CDC123: variants seen among roughly 807,000 people sequenced by gnomAD.
The protein encoded by CDC123 is cell division cycle 123.
In CDC123, 37 loss-of-function variants were observed where a neutral mutation model predicts 54.4. The ratio of observed to expected loss-of-function variants is 0.68; its 90% CI spans 0.52 to 0.89. CDC123 has a LOEUF of 0.89. Among genes scored for constraint, CDC123 ranks in the 40% least tolerant of loss-of-function variants. The probability of loss-of-function intolerance (pLI) is 0.00; values close to 1 mark genes in which losing one functional copy is unlikely to be tolerated. For missense variants in CDC123, 361 were observed against 412.1 expected, an observed-to-expected ratio of 0.88 and a Z score of 1.07; for synonymous variants, 144 against 136.8, an observed-to-expected ratio of 1.05 and a Z score of -0.37.
chr10:12,213,954 C>G (rs1191945867), intron 4 of CDC123, among the ~76,000 whole-genome samples: 1 of 152,166 alleles, frequency 6.6e-6, no homozygotes, highest in Non-Finnish European at 1.5e-5. Context: ...TAGAATTTGC[C>G]AAGTTGTAAA....
chr10:12,210,669 T>C (rs1835585540), intron 4 of CDC123, among the ~76,000 whole-genome samples: 1 of 152,188 alleles, frequency 6.6e-6, no homozygotes, highest in Admixed American at 6.5e-5. Context: ...TGTATTTCCT[T>C]ATTCAAGTAT....
chr10:12,247,990 C>CAAG (rs1836181586), intron 11 of CDC123: 1 of 148,252 alleles, frequency 6.7e-6, no homozygotes, highest in Admixed American at 6.7e-5. Flanking sequence ...GGCGACAGGG[C>CAAG]AAGACTGTCT....
At chr10:12,215,869 A>G in intron 5 of CDC123, 34 bp downstream of exon 5, 1 of 1,375,660 alleles carries the variant, frequency 7.3e-7, no homozygotes, top group Non-Finnish European at 1.0e-6. Context: ...TTACTGTTTG[A>G]ATATTCTTTG....
At chr10:12,241,488 C>T (rs539558096) in intron 10 of CDC123, among the ~76,000 whole-genome samples, 17 of 152,176 alleles carry the variant, frequency 1.1e-4, no homozygotes, top group Middle Eastern at 3.4e-3. Flanking sequence ...GTTTGGTATG[C>T]GATATGGATC....
Position 12,198,678 on chromosome 10 carries a change from A to T in CDC123, c.75-27A>T, listed in dbSNP as rs191799081. On this transcript the variant is annotated intron_variant, in intron 1 of 12. Coordinates refer to ENST00000281141, the MANE Select transcript of CDC123 (RefSeq NM_006023.3). The stretch of plus-strand genomic sequence containing the variant: ...TGCTTATAGTTGGTCTTTTAAAATG[A>T]TGCCTTTTTTGGTGTTTTTTTTTTA... The T allele has an allele frequency of 2.2e-4, 288 of 1,280,842 alleles. 1 individual carries two copies. In the African/African-American group the frequency reaches 3.8e-3, roughly 17 times the overall value. The allele number at this position is 1,280,842 out of a possible 1,614,324, so 79.3% of individuals were successfully genotyped here. A position where few individuals can be genotyped will look rare whatever the true frequency, so the allele number is the denominator to read the frequency against.
At chr10:12,213,472 C>A (rs1835628518) in intron 4 of CDC123, among the ~76,000 whole-genome samples, 1 of 152,022 alleles carries the variant, frequency 6.6e-6, no homozygotes, top group African/African-American at 2.4e-5. Flanking sequence ...AGAGGAACTG[C>A]CACAGATTGA....
At chr10:12,242,177 A>C (rs1023616632) in intron 10 of CDC123, among the ~76,000 whole-genome samples, 1 of 152,164 alleles carries the variant, frequency 6.6e-6, no homozygotes, top group Non-Finnish European at 1.5e-5. Context: ...TGGCCTCTGT[A>C]CGTGAGAGCC....
chr10:12,238,546 G>A (rs1325171391), intron 10 of CDC123, 61 bp downstream of exon 10: 1 of 1,575,844 alleles, frequency 6.3e-7, no homozygotes, highest in Non-Finnish European at 8.6e-7. Context: ...AGCAGGCAGA[G>A]CATGCCTTTG....
chr10:12,236,612 A>G (rs1564257204), intron 8 of CDC123, among the ~76,000 whole-genome samples: 1 of 150,742 alleles, frequency 6.6e-6, no homozygotes, highest in Non-Finnish European at 1.5e-5. Context: ...AAAAAAAAAA[A>G]GGCCAGGTGC....
Position 12,230,950 on chromosome 10 carries a change from T to G in CDC123, c.443T>G (p.Phe148Cys), listed in dbSNP as rs753215008. 1.9e-6 allele frequency: 3 copies of G among 1,611,976 alleles called. No individual in the cohort carries two copies. In the South Asian group the frequency reaches 3.3e-5, roughly 18 times the overall value. The change falls in exon 7 of 13, where the codon TTT (phenylalanine) becomes TGT (cysteine). Residue 148 changes from phenylalanine (F) to cysteine (C), a missense_variant and splice_region_variant. Coordinates refer to ENST00000281141, the MANE Select transcript of CDC123 (RefSeq NM_006023.3). ...DFITRDFTQP[F>C]IHCTDDSPDP... ...TGCCTTTTCTTCTTCTTCCAAAGGTTTATTCATTGTACTGATGATTCTCCA... is the reference window on the plus strand; with the variant it reads ...TGCCTTTTCTTCTTCTTCCAAAGGTGTATTCATTGTACTGATGATTCTCCA...
chr10:12,225,454 C>T (rs1030678639), intron 6 of CDC123, among the ~76,000 whole-genome samples: 1 of 152,116 alleles, frequency 6.6e-6, no homozygotes. Flanking sequence ...ATCTTGGACA[C>T]TTTGGATTGG....
At chr10:12,223,973 T>C (rs370971382) in intron 6 of CDC123, among the ~76,000 whole-genome samples, 2 of 152,134 alleles carry the variant, frequency 1.3e-5, no homozygotes, top group Non-Finnish European at 2.9e-5. Flanking sequence ...ACCTGAGCAG[T>C]GTACACTGTA....
At chr10:12,210,945 A>AGGAGG (rs1835590098) in intron 4 of CDC123, among the ~76,000 whole-genome samples, 1 of 151,918 alleles carries the variant, frequency 6.6e-6, no homozygotes, top group Non-Finnish European at 1.5e-5. Flanking sequence ...ATGTGATAAC[A>AGGAGG]CCCGCCTCGG....
intron 6 of CDC123, among the ~76,000 whole-genome samples, chr10:12,223,187 C>G (rs1835760576): frequency 6.6e-6 from 1 of 152,184 alleles, no homozygotes. Flanking sequence ...AGCCAGTGTG[C>G]CTGGCCCATT....
At chr10:12,246,849 C>T (rs1836146844) in intron 11 of CDC123, 1 of 152,030 alleles carries the variant, frequency 6.6e-6, no homozygotes, top group Admixed American at 6.6e-5. Flanking sequence ...CCTCCATACA[C>T]TTGTGTCCCC....
At chr10:12,211,579 T>C (rs1173086277) in intron 4 of CDC123, among the ~76,000 whole-genome samples, 1 of 152,230 alleles carries the variant, frequency 6.6e-6, no homozygotes, top group Admixed American at 6.5e-5. Flanking sequence ...TTATCTGCCA[T>C]ACTCAGGGCA....
chr10:12,218,051 A>G (rs1017302657), intron 6 of CDC123, among the ~76,000 whole-genome samples: 4 of 152,116 alleles, frequency 2.6e-5, no homozygotes, highest in East Asian at 1.9e-4. Flanking sequence ...ATTGCGTGCC[A>G]CTGCACTGTA....
chr10:12,197,532 A>AC (rs1165073707), intron 1 of CDC123, among the ~76,000 whole-genome samples: 6 of 150,828 alleles, frequency 4.0e-5, no homozygotes, highest in African/African-American at 1.5e-4. Context: ...GCCCGCCACC[A>AC]CCCCCGGCTA....
At chr10:12,249,115 G>A (rs562518612) in intron 11 of CDC123, among the ~76,000 whole-genome samples, 5 of 135,894 alleles carry the variant, frequency 3.7e-5, no homozygotes, top group South Asian at 2.5e-4. Context: ...AGAACAGAGC[G>A]AGACTTTGCC....
Sources: gnomAD v4.1 joint callset for allele counts (sites outside exome capture counted in the v4.1 genomes callset) on GRCh38, gnomAD v4.1.1 for gene constraint, MANE v1.5 for transcripts, NCBI Gene and HGNC (gene_info 2026-07-23, HGNC 2026-07-21) for gene names.